Variants in RYR2 observed in about 807,000 individuals in gnomAD.
The protein encoded by RYR2 is ryanodine receptor 2.
A neutral mutation model predicts 601.1 loss-of-function variants in RYR2; 227 were observed. The observed-to-expected ratio is 0.38, with a 90% CI of 0.34 to 0.42. RYR2 has a LOEUF of 0.42. RYR2 is among the 10% of genes least tolerant of loss of function. The pLI is 1.00. For missense variants in RYR2, 4,646 were observed against 6,156.5 expected (o/e 0.75, Z 8.21); for synonymous variants, 2,223 against 2,175.1 (o/e 1.02, Z -0.61).
chr1:237,565,141 T>TTCTTTCTTTCTC lies in RYR2; in HGVS notation c.3215-1425_3215-1424insCTTTCTTTCTCT, dbSNP rs1357744639. On this transcript the variant is annotated intron_variant, in intron 27 of 104. Coordinates refer to ENST00000366574, the MANE Select transcript of RYR2 (RefSeq NM_001035.3). ...TTTCTTTCTTTCTTTCTTTCTTTCT[T>TTCTTTCTTTCTC]TTTCTTTCTTTCTTTCTCTTTCTTT... 4.2e-5 allele frequency among the ~76,000 whole-genome samples: 2 copies of TTCTTTCTTTCTC among 47,516 alleles called. 1 individual carries two copies. The highest frequency in any genetic ancestry group is 1.8e-3 in the South Asian group (2 of 1,096). The allele number at this position is 47,516 out of a possible 152,430, so 31.2% of individuals were successfully genotyped here.
chr1:237,237,514 C>T (rs535586512), intron 1 of RYR2, among the ~76,000 whole-genome samples: 1 of 152,234 alleles, frequency 6.6e-6, no homozygotes, highest in East Asian at 1.9e-4. Context: ...CACAATTGGC[C>T]AGCATACACA....
intron 98 of RYR2, among the ~76,000 whole-genome samples, chr1:237,803,466 A>C (rs908868273): frequency 6.6e-6 from 1 of 152,090 alleles, no homozygotes; most frequent in Non-Finnish European, 1.5e-5. Context: ...ACGCCCGGCT[A>C]ATTTTTTGTA....
chr1:237,082,459 C>G (rs1004197945), intron 1 of RYR2, among the ~76,000 whole-genome samples: 3 of 145,888 alleles, frequency 2.1e-5, no homozygotes, highest in African/African-American at 7.5e-5. Flanking sequence ...TTTCATGCAC[C>G]TGATAACTGC....
intron 12 of RYR2, among the ~76,000 whole-genome samples, chr1:237,430,701 T>C (rs780710329): frequency 6.6e-6 from 1 of 152,236 alleles, no homozygotes; most frequent in Admixed American, 6.5e-5. Context: ...ATAAGTTCTG[T>C]GCACATTTTT....
chr1:237,323,782 G>A (rs150667371), intron 2 of RYR2, among the ~76,000 whole-genome samples: 47 of 152,192 alleles, frequency 3.1e-4, no homozygotes, highest in African/African-American at 1.1e-3. Flanking sequence ...CCTTTCTATT[G>A]GCAAGAATGC....
intron 96 of RYR2, among the ~76,000 whole-genome samples, chr1:237,795,848 A>ATATATATATATATG (rs1558433680): frequency 1.7e-5 from 2 of 118,104 alleles, no homozygotes; most frequent in Admixed American, 1.7e-4. Context: ...ATATATATAT[A>ATATATATATATATG]TGTATATGTA....
chr1:237,678,332 T>A (rs1685579395), intron 61 of RYR2, among the ~76,000 whole-genome samples: 1 of 152,222 alleles, frequency 6.6e-6, no homozygotes, highest in Admixed American at 6.5e-5. Context: ...TCAAATGACT[T>A]CATTCTATCT....
At chr1:237,759,734 G>T in intron 82 of RYR2, 42 bp from the exon 83 acceptor site, 1 of 1,177,672 alleles carries the variant, frequency 8.5e-7, no homozygotes, top group Non-Finnish European at 1.3e-6. Context: ...CAAACAATAA[G>T]ATTTTTGTTC....
chr1:237,616,832 G>A (rs547303453), intron 37 of RYR2, among the ~76,000 whole-genome samples: 10 of 152,252 alleles, frequency 6.6e-5, no homozygotes, highest in Non-Finnish European at 1.2e-4. Flanking sequence ...CAATCCTGGC[G>A]AAAGGCAAAT....
chr1:237,488,170 G>A (rs1040857161), intron 17 of RYR2, among the ~76,000 whole-genome samples: 1 of 151,918 alleles, frequency 6.6e-6, no homozygotes, highest in Non-Finnish European at 1.5e-5. Flanking sequence ...TTAACTTCTT[G>A]GTCTTTTTTC....
chr1:237,121,619 G>A (rs1345476646), intron 1 of RYR2, among the ~76,000 whole-genome samples: 1 of 152,184 alleles, frequency 6.6e-6, no homozygotes, highest in Non-Finnish European at 1.5e-5. Flanking sequence ...TAGAGAAAGA[G>A]GGAGATGTAA....
intron 4 of RYR2, among the ~76,000 whole-genome samples, chr1:237,357,967 C>T (rs1264747105): frequency 6.6e-6 from 1 of 152,104 alleles, no homozygotes; most frequent in Non-Finnish European, 1.5e-5. Context: ...TAGATTGGAG[C>T]TCTTTTTTTC....
chr1:237,467,279 C>G (rs1470301590), intron 16 of RYR2, among the ~76,000 whole-genome samples: 1 of 149,810 alleles, frequency 6.7e-6, no homozygotes, highest in Non-Finnish European at 1.5e-5. Flanking sequence ...ATTAGTTTTA[C>G]AAAATCAGAA....
At chr1:237,692,720 A>C (rs1434922106) in intron 63 of RYR2, among the ~76,000 whole-genome samples, 1 of 152,164 alleles carries the variant, frequency 6.6e-6, no homozygotes, top group Non-Finnish European at 1.5e-5. Flanking sequence ...CTTCACACTC[A>C]TAACAAACTA....
Position 237,761,057 on chromosome 1 carries a change from C to T in RYR2, c.11476+29C>T, listed in dbSNP as rs755409818. 14 of 1,285,508 alleles carry T rather than the reference C, an allele frequency of 1.1e-5. No homozygotes were observed. In the African/African-American group the frequency reaches 1.9e-4, roughly 18 times the overall value. 79.6% of individuals were successfully genotyped at this position (1,285,508 alleles called of 1,614,324 possible). On this transcript the variant is annotated intron_variant, in intron 84 of 104. Coordinates refer to ENST00000366574, the MANE Select transcript of RYR2 (RefSeq NM_001035.3). ...TTAATGACTTACATTAAAAGGATCACCTGTCTCCCTTCCCTCCCTGAAACG... is the reference window on the plus strand; with the variant it reads ...TTAATGACTTACATTAAAAGGATCATCTGTCTCCCTTCCCTCCCTGAAACG...
In RYR2 at chr1:237,144,971, C is replaced by T. The variant is rs558202920; in HGVS notation, c.48+102402C>T. On this transcript the variant is annotated intron_variant, in intron 1 of 104. Coordinates refer to ENST00000366574, the MANE Select transcript of RYR2 (RefSeq NM_001035.3). The stretch of plus-strand genomic sequence containing the variant: ...TGTACCACTATACATGATTCCCTGG[C>T]CAATAGTTCTAAATGAACCCTGTAG... Among the ~76,000 whole-genome samples, 5 of 152,102 alleles carry T rather than the reference C, an allele frequency of 3.3e-5. No individual in the cohort carries two copies. The South Asian group carries it at 1.0e-3, about 32-fold the overall frequency.
intron 15 of RYR2, 96 bp downstream of exon 15, chr1:237,454,670 C>A: frequency 7.9e-7 from 1 of 1,266,150 alleles, no homozygotes; most frequent in Non-Finnish European, 1.1e-6. Flanking sequence ...ACCATCTTTG[C>A]GTTTTGCAAT....
chr1:237,603,645 G>T (rs200278686), intron 35 of RYR2, among the ~76,000 whole-genome samples: 1 of 152,140 alleles, frequency 6.6e-6, no homozygotes, highest in Non-Finnish European at 1.5e-5. Flanking sequence ...ATTGGATAAA[G>T]AGTCAAGACC....
At chr1:237,366,537 G>T (rs1434755850) in intron 5 of RYR2, among the ~76,000 whole-genome samples, 5 of 151,978 alleles carry the variant, frequency 3.3e-5, no homozygotes, top group Non-Finnish European at 4.4e-5. Flanking sequence ...AGGTAGTTGG[G>T]ATTACAAGCA....
Sources: allele counts gnomAD v4.1 joint callset (sites outside exome capture counted in the v4.1 genomes callset), GRCh38; gene constraint gnomAD v4.1.1; transcripts MANE v1.5; gene names NCBI Gene and HGNC (gene_info 2026-07-23, HGNC 2026-07-21).